Variants in TRMT11 observed in about 807,000 individuals in gnomAD.
TRMT11 encodes the protein tRNA (guanine(10)-N(2))-methyltransferase TRMT11.
TRMT11 carries 53 observed loss-of-function variants against 62.8 expected under a neutral mutation model. The observed-to-expected ratio is 0.84, with a 90% CI of 0.68 to 1.06. The LOEUF (loss-of-function observed/expected upper bound fraction) is 1.06, where lower values mean the gene tolerates loss of function less well. Ranked by LOEUF, TRMT11 falls within the 50% of genes least tolerant of loss-of-function variation. The pLI is 0.00. For missense variants in TRMT11, 556 were observed against 553.4 expected, an observed-to-expected ratio of 1.00 and a Z score of -0.05; for synonymous variants, 188 against 190.3, an observed-to-expected ratio of 0.99 and a Z score of 0.10.
intron 17 of TRMT11, among the ~76,000 whole-genome samples, chr6:126,103,177 A>G (rs1313235481): frequency 6.6e-6 from 1 of 152,192 alleles, no homozygotes; most frequent in Non-Finnish European, 1.5e-5. Flanking sequence ...TGCCTGCCTC[A>G]TGTATTTGGC....
At chr6:126,195,526 G>A (rs1259498720) in intron 1 of TRMT11, among the ~76,000 whole-genome samples, 3 of 152,138 alleles carry the variant, frequency 2.0e-5, no homozygotes, top group African/African-American at 4.8e-5. Flanking sequence ...TAAACATTCT[G>A]GCATTTTTCT....
the TRMT11 span, among the ~76,000 whole-genome samples, chr6:126,245,287 G>A: frequency 6.6e-6 from 1 of 152,324 alleles, no homozygotes; most frequent in East Asian, 1.9e-4. Context: ...ACAAAGAAGA[G>A]TGTTTATTTA....
At chr6:126,107,922 G>A (rs1433536119) in intron 17 of TRMT11, among the ~76,000 whole-genome samples, 1 of 152,102 alleles carries the variant, frequency 6.6e-6, no homozygotes, top group East Asian at 1.9e-4. Context: ...TTAATGTTTG[G>A]CATAGGGTGC....
intron 12 of TRMT11, among the ~76,000 whole-genome samples, chr6:126,036,526 C>A (rs1030602765): frequency 3.3e-5 from 5 of 151,986 alleles, no homozygotes; most frequent in African/African-American, 4.8e-5. Context: ...GATTTTAGGA[C>A]TGACCAAATC....
chr6:125,991,840 A>G (rs762403904), intron 1 of TRMT11, among the ~76,000 whole-genome samples: 1 of 152,216 alleles, frequency 6.6e-6, no homozygotes, highest in African/African-American at 2.4e-5. Flanking sequence ...TGTAGTACTT[A>G]TTGTACTAAA....
chr6:126,089,359 G>A (rs946946875), intron 17 of TRMT11, among the ~76,000 whole-genome samples: 4 of 152,114 alleles, frequency 2.6e-5, no homozygotes, highest in Admixed American at 2.6e-4. Flanking sequence ...GGATCCGCCT[G>A]TCTCGGCCTC....
Position 125,993,801 on chromosome 6 carries a change from C to T in TRMT11, c.117C>T (p.Ser39=). 6.2e-7 allele frequency: 1 copy of T among 1,609,852 alleles called. No homozygotes were observed. The highest frequency in any genetic ancestry group is 8.5e-7 in the Non-Finnish European group (1 of 1,176,652). The change falls in exon 2 of 13, where the codon AGC becomes AGT. Residue 39 remains serine, a synonymous_variant. Transcript: ENST00000334379. ...LLLLFGGQFA[S]SQETYGKSPF... is the part of the protein sequence containing the mutation. Reference sequence around the variant, plus strand: ...TGCTTTTTGGAGGTCAGTTTGCCAGCAGTCAAGAAACTTATGGAAAGGTAA... The same window carrying T: ...TGCTTTTTGGAGGTCAGTTTGCCAGTAGTCAAGAAACTTATGGAAAGGTAA...
intron 17 of TRMT11, among the ~76,000 whole-genome samples, chr6:126,075,544 C>T (rs775462674): frequency 4.7e-4 from 72 of 152,178 alleles, no homozygotes; most frequent in Admixed American, 9.8e-4. Context: ...CCTTTGCCTT[C>T]CTCCATGATT....
intron 1 of TRMT11, among the ~76,000 whole-genome samples, chr6:126,190,650 G>A (rs374156639): frequency 1.3e-5 from 2 of 152,070 alleles, no homozygotes; most frequent in African/African-American, 4.8e-5. Flanking sequence ...ACCTCCATGA[G>A]ATCTACTTTT....
At chr6:126,055,593 A>T (rs1448723678) in intron 17 of TRMT11, among the ~76,000 whole-genome samples, 1 of 152,212 alleles carries the variant, frequency 6.6e-6, no homozygotes, top group African/African-American at 2.4e-5. Flanking sequence ...CTTTCAATAC[A>T]CTGTTCTCTG....
chr6:126,257,827 G>A, the TRMT11 span: 1 of 927,238 alleles, frequency 1.1e-6, no homozygotes, highest in African/African-American at 1.6e-5. Context: ...TCATGGCACT[G>A]AGCCTGGCCA....
the TRMT11 span, among the ~76,000 whole-genome samples, chr6:126,237,940 G>C: frequency 6.6e-6 from 1 of 152,176 alleles, no homozygotes; most frequent in African/African-American, 2.4e-5. Context: ...TTAGTCTTGG[G>C]AGGGTGTATG....
intron 21 of TRMT11, among the ~76,000 whole-genome samples, chr6:126,162,011 G>A (rs1778196538): frequency 6.6e-6 from 1 of 152,166 alleles, no homozygotes; most frequent in Non-Finnish European, 1.5e-5. Flanking sequence ...TCTGTGGGTT[G>A]CCTATTCACT....
intron 11 of TRMT11, among the ~76,000 whole-genome samples, chr6:126,015,215 A>G (rs1260859032): frequency 5.9e-5 from 9 of 151,896 alleles, no homozygotes; most frequent in Non-Finnish European, 1.0e-4. Flanking sequence ...CGACTCCTGC[A>G]CATATCTATT....
the TRMT11 span, among the ~76,000 whole-genome samples, chr6:126,226,303 A>C: frequency 6.6e-6 from 1 of 152,244 alleles, no homozygotes; most frequent in Non-Finnish European, 1.5e-5. Context: ...ATTTTGCCAA[A>C]TATCAGGAAA....
chr6:126,164,603 C>T (rs117134896), intron 21 of TRMT11, among the ~76,000 whole-genome samples: 17 of 152,130 alleles, frequency 1.1e-4, no homozygotes, highest in South Asian at 2.1e-4. Context: ...TTATTGTATG[C>T]GAGTTGAAGT....
At chr6:126,263,447 G>T in the TRMT11 span, among the ~76,000 whole-genome samples, 2 of 152,136 alleles carry the variant, frequency 1.3e-5, no homozygotes, top group East Asian at 3.9e-4. Flanking sequence ...TTATTAAAAT[G>T]TTACAACACA....
At chr6:126,076,163 T>C (rs1445408909) in intron 17 of TRMT11, among the ~76,000 whole-genome samples, 1 of 152,166 alleles carries the variant, frequency 6.6e-6, no homozygotes, top group African/African-American at 2.4e-5. Flanking sequence ...TGCATAGTGA[T>C]GTCTTCTATC....
chr6:126,167,806 C>T (rs1253470470), intron 21 of TRMT11, among the ~76,000 whole-genome samples: 3 of 152,136 alleles, frequency 2.0e-5, no homozygotes, highest in African/African-American at 7.2e-5. Context: ...CCTTCTTTTT[C>T]CACCTCGGAC....
Sources: allele counts gnomAD v4.1 joint callset (sites outside exome capture counted in the v4.1 genomes callset), GRCh38; gene constraint gnomAD v4.1.1; transcripts MANE v1.5; gene names NCBI Gene and HGNC (gene_info 2026-07-23, HGNC 2026-07-21).